Variants in RGL1 observed in about 807,000 individuals in gnomAD.
RGL1 encodes ral guanine nucleotide dissociation stimulator-like 1.
A neutral mutation model predicts 95.2 loss-of-function variants in RGL1; 24 were observed. The ratio of observed to expected loss-of-function variants is 0.25; its 90% confidence interval spans 0.18 to 0.35. The LOEUF (loss-of-function observed/expected upper bound fraction) is 0.35. RGL1 is among the 10% of genes least tolerant of loss of function. The pLI, the probability that RGL1 is intolerant of heterozygous loss-of-function variation, is 1.00. For synonymous variants in RGL1, 329 were observed against 344.9 expected, an observed-to-expected ratio of 0.95 and a Z score of 0.51; for missense variants, 715 against 936.3, an observed-to-expected ratio of 0.76 and a Z score of 3.08.
intron 1 of RGL1, among the ~76,000 whole-genome samples, chr1:183,805,997 T>TTTTTTTTTTTTTTTTTTTTTTTTTTTTTC (rs1661303439): frequency 5.0e-5 from 4 of 80,560 alleles, no homozygotes; most frequent in African/African-American, 1.1e-4. Context: ...TTTTTTTTTT[T>TTTTTTTTTTTTTTTTTTTTTTTTTTTTTC]TTTTTTTTTT....
chr1:183,873,782 C>T (rs181303507), intron 4 of RGL1, among the ~76,000 whole-genome samples: 1 of 152,290 alleles, frequency 6.6e-6, no homozygotes, highest in Non-Finnish European at 1.5e-5. Flanking sequence ...GAGCAAGGTT[C>T]GCACACAGCT....
chr1:183,645,158 T>C (rs79134885), intron 1 of RGL1, among the ~76,000 whole-genome samples: 1,986 of 152,356 alleles, frequency 0.013, 50 homozygotes, highest in African/African-American at 0.046. Context: ...ATGTAGCTTA[T>C]CTACATGGAG....
chr1:183,653,653 T>C (rs1456023962), intron 1 of RGL1, among the ~76,000 whole-genome samples: 2 of 152,184 alleles, frequency 1.3e-5, no homozygotes, highest in Non-Finnish European at 2.9e-5. Context: ...GAGAGTTGAC[T>C]TCCTCCAAGA....
chr1:183,889,270 T>C (rs1226356450), intron 8 of RGL1, among the ~76,000 whole-genome samples: 1 of 152,178 alleles, frequency 6.6e-6, no homozygotes, highest in Non-Finnish European at 1.5e-5. Flanking sequence ...TGATTCTCTG[T>C]CACTACAGAT....
At chr1:183,643,079 C>T (rs75157509) in intron 1 of RGL1, among the ~76,000 whole-genome samples, 12,423 of 152,200 alleles carry the variant, frequency 0.082, 993 homozygotes, top group African/African-American at 0.21. Context: ...TTCATCCATG[C>T]TGTGGCAGGT....
chr1:183,884,943 T>C lies in RGL1; in HGVS notation c.951+5T>C. On this transcript the variant is annotated splice_donor_5th_base_variant and intron_variant, in intron 7 of 17. Coordinates refer to ENST00000360851, the MANE Select transcript of RGL1 (RefSeq NM_001297671.3). ...AAGTGGATCAACATCGCTCATGTAA[T>C]TGTCTTTTATAAAATATTCTTTGTG... The C allele has an allele frequency of 1.2e-6, 2 of 1,611,024 alleles. No individual in the cohort carries two copies. Among genetic ancestry groups the C allele is most frequent in the Non-Finnish European group, 1.7e-6 (2 of 1,177,656 alleles).
At chr1:183,804,559 C>T (rs192440068), upstream of RGL1, among the ~76,000 whole-genome samples, 12 of 152,256 alleles carry the variant, frequency 7.9e-5, no homozygotes, top group African/African-American at 2.9e-4. Context: ...AAAACCTTAC[C>T]CTGCTTTGTT....
At chr1:183,771,993 C>A (rs1182726824) in intron 2 of RGL1, among the ~76,000 whole-genome samples, 1 of 152,200 alleles carries the variant, frequency 6.6e-6, no homozygotes, top group Non-Finnish European at 1.5e-5. Context: ...AGGCTATTGA[C>A]CAGCAGGTTT....
At chr1:183,691,408 A>G (rs1423332557) in intron 1 of RGL1, among the ~76,000 whole-genome samples, 4 of 152,318 alleles carry the variant, frequency 2.6e-5, no homozygotes, top group Admixed American at 6.5e-5. Flanking sequence ...TCATGTTGCA[A>G]TTGTGAGTTA....
rs151246008 is a variant in RGL1 at position 183,866,877 on chromosome 1, G to C, written c.425+804G>C. Among the ~76,000 whole-genome samples the C allele has an allele frequency of 9.2e-5, 14 of 152,250 alleles. No homozygotes were observed. The East Asian group carries it at 2.7e-3, about 29-fold the overall frequency. On this transcript the variant is annotated intron_variant, in intron 4 of 17. Coordinates refer to ENST00000360851, the MANE Select transcript of RGL1 (RefSeq NM_001297671.3). ...TCCAGATGAGGGCTGCTTGTGGTGC[G>C]GGCTGAAGCAATAGCAGTGAAGGTG...
At chr1:183,734,402 G>A (rs1656809651) in intron 1 of RGL1, among the ~76,000 whole-genome samples, 1 of 152,182 alleles carries the variant, frequency 6.6e-6, no homozygotes, top group Non-Finnish European at 1.5e-5. Context: ...AATCTCTCTT[G>A]ATTTGAGCTT....
intron 1 of RGL1, among the ~76,000 whole-genome samples, chr1:183,667,529 GT>G (rs1002403322): frequency 9.2e-5 from 14 of 151,846 alleles, no homozygotes; most frequent in Admixed American, 2.6e-4. Flanking sequence ...TTTCTTCATG[GT>G]GGTCAGGCGT....
rs1461310332 is a variant in RGL1, at chr1:183,805,995, T to C, written c.28-380T>C. 2.9e-3 allele frequency among the ~76,000 whole-genome samples: 258 copies of C among 89,526 alleles called. 6 individuals carry two copies. The East Asian group carries it at 0.061, about 21-fold the overall frequency. The allele number at this position is 89,526 out of a possible 152,430, so 58.7% of individuals were successfully genotyped here. Reference sequence around the variant, plus strand: ...TCTTTTTTTTTTTTTTTTTTTTTTTTTTTTTTTTTTTTTTTTACAAAGAAT... The same window carrying C: ...TCTTTTTTTTTTTTTTTTTTTTTTTCTTTTTTTTTTTTTTTTACAAAGAAT... On this transcript the variant is annotated intron_variant, in intron 1 of 17. Transcript: ENST00000360851.
At chr1:183,843,524 C>T (rs972328615) in intron 2 of RGL1, among the ~76,000 whole-genome samples, 10 of 152,210 alleles carry the variant, frequency 6.6e-5, no homozygotes, top group African/African-American at 2.4e-4. Flanking sequence ...CCCACTTCAT[C>T]AGGTCCTTTG....
At chr1:183,890,263 C>T (rs954285102) in intron 8 of RGL1, among the ~76,000 whole-genome samples, 1 of 152,134 alleles carries the variant, frequency 6.6e-6, no homozygotes, top group Non-Finnish European at 1.5e-5. Flanking sequence ...AGGAAAGTCA[C>T]GTAACCAGCC....
chr1:183,705,517 G>T (rs564958433), intron 1 of RGL1, among the ~76,000 whole-genome samples: 69 of 152,290 alleles, frequency 4.5e-4, no homozygotes, highest in African/African-American at 1.4e-3. Flanking sequence ...GCCCAAAAAG[G>T]TGGGGGCTGT....
At position 183,912,192 on chromosome 1, in the gene RGL1, C is replaced by A; in HGVS notation, c.1673C>A (p.Ser558Tyr). The A allele has an allele frequency of 6.2e-7, 1 of 1,614,076 alleles. No homozygotes were observed. The highest frequency in any genetic ancestry group is 8.5e-7 in the Non-Finnish European group (1 of 1,180,006). Reference protein sequence around the residue: ...GESMDSVSVSSCESNHSEAEE... With the variant: ...GESMDSVSVSYCESNHSEAEE... The stretch of plus-strand genomic sequence containing the variant: ...AGCATGGACTCTGTCAGCGTGTCAT[C>A]CTGCGAGTCGAACCACTCAGAGGCT... The change falls in exon 15 of 18, where the codon TCC becomes TAC. Residue 558 changes from serine (S) to tyrosine (Y), a missense_variant. By Grantham distance (144) the Ser-to-Tyr change is moderately radical. This residue lies in a region of RGL1 where 330 missense variants were observed against 429.6 expected (regional missense o/e 0.77). Transcript: ENST00000360851.
chr1:183,826,038 C>T (rs949731785), intron 2 of RGL1, among the ~76,000 whole-genome samples: 1 of 127,952 alleles, frequency 7.8e-6, no homozygotes, highest in African/African-American at 2.7e-5. Context: ...TCAATCGCAA[C>T]TCTCCCCATC....
rs1667468902 is a variant in RGL1, at chr1:183,892,252, T to C, written c.1140+91T>C. The C allele has an allele frequency of 3.3e-6, 3 of 916,304 alleles. No individual in the cohort carries two copies. In the South Asian group the frequency reaches 6.0e-5, roughly 18 times the overall value. The allele number at this position is 916,304 out of a possible 1,614,324, so 56.8% of individuals were successfully genotyped here. On this transcript the variant is annotated intron_variant, in intron 9 of 17. Transcript: ENST00000360851. ...TAGTGTGAGGGCTCCTTAAGTTCCT[T>C]CAACTCCAAAGAAAGCCTAAAGTAA...
Sources: gnomAD v4.1 joint callset for allele counts (sites outside exome capture counted in the v4.1 genomes callset) on GRCh38, gnomAD v4.1.1 for gene constraint, gnomAD v4.1.1 regional missense constraint, MANE v1.5 for transcripts, NCBI Gene and HGNC (gene_info 2026-07-23, HGNC 2026-07-21) for gene names.